ACAP2: variants seen among roughly 807,000 people sequenced by gnomAD.
ACAP2 encodes the protein ArfGAP with coiled-coil, ankyrin repeat and PH domains 2.
ACAP2 carries 39 observed loss-of-function variants against 115.8 expected under a neutral mutation model. The observed-to-expected ratio is 0.34, with a 90% CI of 0.26 to 0.44. ACAP2 has a LOEUF of 0.44. Among genes scored for constraint, ACAP2 ranks in the 20% least tolerant of loss-of-function variants. ACAP2 has a pLI of 1.00. For missense variants in ACAP2, 662 were observed against 927.6 expected (o/e 0.71, Z 3.72); for synonymous variants, 289 against 315.8 (o/e 0.92, Z 0.90).
intron 17 of ACAP2, 41 bp downstream of exon 17, chr3:195,295,667 T>C: frequency 1.9e-6 from 3 of 1,605,920 alleles, no homozygotes; most frequent in Non-Finnish European, 1.7e-6. Context: ...GATTTGAGCT[T>C]AAGAAAATAG....
At chr3:195,337,125 T>C in intron 6 of ACAP2, 149 bp from the exon 7 acceptor site, 1 of 653,574 alleles carries the variant, frequency 1.5e-6, no homozygotes, top group East Asian at 3.1e-5. Flanking sequence ...TCAACTATCC[T>C]TTTGCAAAAC....
intron 10 of ACAP2, among the ~76,000 whole-genome samples, chr3:195,312,217 C>T (rs79359889): frequency 0.022 from 3,283 of 152,086 alleles, 117 homozygotes; most frequent in East Asian, 0.1. Flanking sequence ...TTTATTTACA[C>T]ATTCATGTAA....
intron 10 of ACAP2, among the ~76,000 whole-genome samples, chr3:195,317,817 T>C (rs562054213): frequency 1.6e-4 from 25 of 152,298 alleles, no homozygotes; most frequent in African/African-American, 4.8e-4. Flanking sequence ...ATTGAAGTTA[T>C]TGCAAAGATC....
chr3:195,363,248 T>C (rs1404544171), intron 4 of ACAP2, among the ~76,000 whole-genome samples: 1 of 152,084 alleles, frequency 6.6e-6, no homozygotes, highest in Non-Finnish European at 1.5e-5. Flanking sequence ...AAGTGAAAGA[T>C]CTCCACAATT....
intron 4 of ACAP2, chr3:195,356,281 T>C (rs577158829): frequency 5.5e-4 from 240 of 439,820 alleles, no homozygotes; most frequent in African/African-American, 4.4e-3. Flanking sequence ...GAATGGAGCA[T>C]TTAGACCAGC....
At chr3:195,361,670 T>C (rs1051215387) in intron 4 of ACAP2, among the ~76,000 whole-genome samples, 1 of 149,344 alleles carries the variant, frequency 6.7e-6, no homozygotes, top group Non-Finnish European at 1.5e-5. Flanking sequence ...CAGAAGAAAA[T>C]AAATAAAGAC....
intron 21 of ACAP2, 137 bp downstream of exon 21, chr3:195,288,984 A>G: frequency 1.7e-6 from 1 of 599,386 alleles, no homozygotes; most frequent in Non-Finnish European, 2.9e-6. Flanking sequence ...ATGTAAATAC[A>G]TACCATTTTA....
chr3:195,417,033 G>A (rs888454687), intron 1 of ACAP2, among the ~76,000 whole-genome samples: 30 of 148,434 alleles, frequency 2.0e-4, no homozygotes, highest in Non-Finnish European at 3.5e-4. Flanking sequence ...TGCCTCAGCC[G>A]CCTGAATACC....
chr3:195,346,218 A>C (rs1221571342), intron 4 of ACAP2, among the ~76,000 whole-genome samples: 1 of 152,194 alleles, frequency 6.6e-6, no homozygotes, highest in East Asian at 1.9e-4. Context: ...GTTAAACTCA[A>C]AGTACTAAAC....
intron 1 of ACAP2, among the ~76,000 whole-genome samples, chr3:195,415,635 TAAAG>T (rs1326642580): frequency 6.6e-6 from 1 of 152,222 alleles, no homozygotes; most frequent in Non-Finnish European, 1.5e-5. Flanking sequence ...TTCTTTTTAT[TAAAG>T]AGATACCAGA....
chr3:195,420,881 T>C (rs374564764), intron 1 of ACAP2, among the ~76,000 whole-genome samples: 8 of 152,106 alleles, frequency 5.3e-5, no homozygotes, highest in South Asian at 4.1e-4. Context: ...TGACCTCAAG[T>C]GATCCACCTA....
At chr3:195,415,409 T>C (rs1397407706) in intron 1 of ACAP2, among the ~76,000 whole-genome samples, 1 of 151,688 alleles carries the variant, frequency 6.6e-6, no homozygotes, top group Non-Finnish European at 1.5e-5. Context: ...CCCGAGTAAC[T>C]GGGACTACGG....
chr3:195,325,190 A>G (rs1371251818), intron 9 of ACAP2, among the ~76,000 whole-genome samples: 1 of 152,154 alleles, frequency 6.6e-6, no homozygotes, highest in African/African-American at 2.4e-5. Flanking sequence ...TTGAAAAACA[A>G]TGTAGCATTA....
rs536703281 is a variant in ACAP2, at chr3:195,325,877, C to G, written c.744+1008G>C. Among the ~76,000 whole-genome samples the G allele has an allele frequency of 4.1e-4, 63 of 152,230 alleles. No homozygotes were observed. In the Middle Eastern group the frequency reaches 0.017, roughly 41 times the overall value. On this transcript the variant is annotated intron_variant, in intron 9 of 22. Coordinates refer to ENST00000326793, the MANE Select transcript of ACAP2 (RefSeq NM_012287.6). ...AAAAGTTAACCAAACAAAAGTTAAT[C>G]TAACTGTAAACGAAACAAAATAAAA...
intron 8 of ACAP2, among the ~76,000 whole-genome samples, chr3:195,332,367 T>C (rs1311634199): frequency 6.6e-6 from 1 of 152,226 alleles, no homozygotes; most frequent in African/African-American, 2.4e-5. Flanking sequence ...AGTCCAGTTA[T>C]GTAGACTGCA....
chr3:195,418,599 C>CTT (rs1047737999), intron 1 of ACAP2, among the ~76,000 whole-genome samples: 3 of 152,062 alleles, frequency 2.0e-5, no homozygotes, highest in African/African-American at 4.8e-5. Flanking sequence ...ACCCAGCTAA[C>CTT]TTTTCAATTT....
chr3:195,431,840 A>C (rs1461018688), intron 1 of ACAP2, among the ~76,000 whole-genome samples: 1 of 152,084 alleles, frequency 6.6e-6, no homozygotes, highest in Non-Finnish European at 1.5e-5. Flanking sequence ...GGGTTCTAAC[A>C]GCTCCACATT....
chr3:195,383,846 C>CA (rs1304738507), intron 2 of ACAP2, among the ~76,000 whole-genome samples: 3 of 151,716 alleles, frequency 2.0e-5, no homozygotes, highest in Non-Finnish European at 4.4e-5. Context: ...AATTACCCCC[C>CA]AAAAAAGAGA....
chr3:195,301,728 C>T (rs1286427354), intron 14 of ACAP2, 84 bp from the exon 15 acceptor site: 2 of 1,326,988 alleles, frequency 1.5e-6, no homozygotes, highest in Non-Finnish European at 2.1e-6. Flanking sequence ...GACACAGGCT[C>T]TAATAAAGCC....
Sources: allele counts gnomAD v4.1 joint callset (sites outside exome capture counted in the v4.1 genomes callset), GRCh38; gene constraint gnomAD v4.1.1; transcripts MANE v1.5; gene names NCBI Gene and HGNC (gene_info 2026-07-23, HGNC 2026-07-21).